PDE2A: variants seen among roughly 807,000 people sequenced by gnomAD.
PDE2A encodes phosphodiesterase 2A, also known as cGMP-dependent 3',5'-cyclic phosphodiesterase.
A neutral mutation model predicts 133.6 loss-of-function variants in PDE2A; 53 were observed. The ratio of observed to expected loss-of-function variants is 0.40; its 90% CI spans 0.32 to 0.50. The LOEUF is 0.50. Among genes scored for constraint, PDE2A ranks in the 20% least tolerant of loss-of-function variants. The pLI is 0.73. For synonymous variants in PDE2A, 491 were observed against 490.2 expected (o/e 1.00, Z -0.02); for missense variants, 796 against 1,232.4 (o/e 0.65, Z 5.30).
At position 72,582,450 on chromosome 11, in the gene PDE2A, C is replaced by T. The variant is rs116604680; in HGVS notation, c.1845G>A (p.Thr615=). 3.3e-5 allele frequency: 54 copies of T among 1,613,848 alleles called. 1 individual carries two copies. In the African/African-American group the frequency reaches 3.9e-4, roughly 12 times the overall value. Residue 615 remains threonine, a synonymous_variant, in exon 21 of 31, where the codon ACG becomes ACA. Coordinates refer to ENST00000334456, the MANE Select transcript of PDE2A (RefSeq NM_002599.5). ...GTGGAGGAGAGCAACTCACCATGGA[C>T]GTGTCATCCTCGGGCAGGGAACGAG... ...YTPRSLPEDD[T]SMAILSMLQD...
At chr11:72,600,156 C>T (rs1856676138) in intron 4 of PDE2A, among the ~76,000 whole-genome samples, 1 of 152,174 alleles carries the variant, frequency 6.6e-6, no homozygotes, top group Admixed American at 6.5e-5. Flanking sequence ...GGGCTTGAGC[C>T]TGAGGGCAGG....
chr11:72,644,415 C>T (rs961071229), intron 1 of PDE2A, among the ~76,000 whole-genome samples: 1 of 152,122 alleles, frequency 6.6e-6, no homozygotes, highest in African/African-American at 2.4e-5. Flanking sequence ...TTTTCTCTTC[C>T]GTAAAAGGGG....
In PDE2A at chr11:72,625,007, A is replaced by G. The variant is rs115820022; in HGVS notation, c.145-16256T>C. Reference sequence around the variant, plus strand: ...CCTCGTCCCCACCCCAACTGGGCACAGTCGCCAGGGCTGTTGCCCCATGTC... The same window carrying G: ...CCTCGTCCCCACCCCAACTGGGCACGGTCGCCAGGGCTGTTGCCCCATGTC... On this transcript the variant is annotated intron_variant, in intron 2 of 30. Coordinates refer to ENST00000334456, the MANE Select transcript of PDE2A (RefSeq NM_002599.5). Among the ~76,000 whole-genome samples the G allele has an allele frequency of 5.3e-3, 806 of 152,336 alleles. 7 individuals are homozygous for G. Among genetic ancestry groups the G allele is most frequent in the African/African-American group, 0.019 (778 of 41,562 alleles).
intron 3 of PDE2A, among the ~76,000 whole-genome samples, chr11:72,605,440 C>A (rs341087): frequency 0.45 from 69,056 of 152,070 alleles, 18,385 homozygotes; most frequent in African/African-American, 0.73. Flanking sequence ...TCCTCTTGGA[C>A]GGAATTCTAA....
In PDE2A at chr11:72,581,940, A is replaced by T; in HGVS notation, c.1859T>A (p.Leu620Gln). The T allele has an allele frequency of 6.2e-7, 1 of 1,613,862 alleles. No homozygotes were observed. Among genetic ancestry groups the T allele is most frequent in the South Asian group, 1.1e-5 (1 of 91,070 alleles). Residue 620 changes from leucine to glutamine, a missense_variant, in exon 22 of 31, where the codon CTG becomes CAG. Around this residue, in one of 7 missense-constraint regions of PDE2A, gnomAD observed 218 missense variants for 465.9 expected, o/e 0.47. Transcript: ENST00000334456. ...LPEDDTSMAI[L>Q]SMLQDMNFIN... ...GAAATTCATGTCCTGCAGCATGCTC[A>T]GGATGGCCTGGAGAGGGCAGAGGGA... is the stretch of plus-strand genomic sequence containing the variant.
intron 2 of PDE2A, among the ~76,000 whole-genome samples, chr11:72,618,702 C>T (rs1362297259): frequency 6.6e-6 from 1 of 152,210 alleles, no homozygotes; most frequent in South Asian, 2.1e-4. Context: ...CATCTCCTTC[C>T]CACCTCCATT....
intron 2 of PDE2A, among the ~76,000 whole-genome samples, chr11:72,624,380 G>A (rs1857939980): frequency 1.3e-5 from 2 of 152,146 alleles, no homozygotes; most frequent in South Asian, 2.1e-4. Flanking sequence ...CACTGTATGT[G>A]CACATTGCAT....
chr11:72,576,571 G>T lies in PDE2A; in HGVS notation c.*813C>A, dbSNP rs1056864. 1,403 of 169,572 alleles carry T rather than the reference G, an allele frequency of 8.3e-3. 18 individuals carry two copies. The highest frequency in any genetic ancestry group is 0.031 in the African/African-American group (1,311 of 41,644). 10.5% of individuals were successfully genotyped at this position (169,572 alleles called of 1,614,324 possible). A position where few individuals can be genotyped will look rare whatever the true frequency, so the allele number is the denominator to read the frequency against. The stretch of plus-strand genomic sequence containing the variant: ...AGCCTCTGCTGGGACTCCGCAGAGC[G>T]ATAGAGCTATTTTAGACATTGATCT... On this transcript the variant is annotated 3_prime_UTR_variant, in exon 31 of 31. Transcript: ENST00000334456.
Position 72,579,391 on chromosome 11 carries a change from G to A in PDE2A, c.2257-8C>T, listed in dbSNP as rs774584279. 35 of 1,610,742 alleles carry A rather than the reference G, an allele frequency of 2.2e-5. No homozygotes were observed. The East Asian group carries it at 3.1e-4, about 14-fold the overall frequency. On this transcript the variant is annotated splice_polypyrimidine_tract_variant and splice_region_variant and intron_variant, in intron 26 of 30. Coordinates refer to ENST00000334456, the MANE Select transcript of PDE2A (RefSeq NM_002599.5). ...CAGCATGCGCTGATAGTCCTGAGGC[G>A]AGGGCAGGGGTGTCATGCCCTCCTA... is the stretch of plus-strand genomic sequence containing the variant.
rs369324673 is a variant in PDE2A, at chr11:72,588,953, G to A, written c.940-39C>T. ...GCAAGTCAGGGCAGGGAAGCAGGGC[G>A]CAGTATGCTTCCCTCCTCCAGCCCT... is the stretch of plus-strand genomic sequence containing the variant. On this transcript the variant is annotated intron_variant, in intron 12 of 30. Transcript: ENST00000334456. 3.7e-5 allele frequency: 58 copies of A among 1,576,752 alleles called. No homozygotes were observed. In the African/African-American group the frequency reaches 4.6e-4, roughly 12 times the overall value.
chr11:72,596,220 G>A (rs1856470996), intron 6 of PDE2A, among the ~76,000 whole-genome samples: 1 of 152,144 alleles, frequency 6.6e-6, no homozygotes, highest in African/African-American at 2.4e-5. Flanking sequence ...CCCATCTGGA[G>A]GATCCCAAAG....
intron 1 of PDE2A, among the ~76,000 whole-genome samples, chr11:72,653,331 GA>G (rs1385069078): frequency 2.0e-5 from 3 of 152,228 alleles, no homozygotes; most frequent in African/African-American, 7.2e-5. Flanking sequence ...AGGGAGTTCA[GA>G]GACAGTGAAA....
intron 1 of PDE2A, among the ~76,000 whole-genome samples, chr11:72,644,690 C>T (rs1398996923): frequency 1.3e-5 from 2 of 152,246 alleles, no homozygotes; most frequent in African/African-American, 4.8e-5. Flanking sequence ...CCAGGCACCA[C>T]CTCCATGGCA....
At chr11:72,665,325 G>C (rs1015226449) in intron 1 of PDE2A, among the ~76,000 whole-genome samples, 1 of 151,988 alleles carries the variant, frequency 6.6e-6, no homozygotes, top group Non-Finnish European at 1.5e-5. Context: ...TCCTTCCTGC[G>C]GGTGCTGAAC....
intron 27 of PDE2A, 25 bp downstream of exon 27, chr11:72,579,259 A>G: frequency 1.3e-6 from 2 of 1,539,530 alleles, no homozygotes; most frequent in Non-Finnish European, 1.8e-6. Flanking sequence ...CCCCAGCCCC[A>G]AGGACTGGGG....
intron 2 of PDE2A, among the ~76,000 whole-genome samples, chr11:72,616,175 G>A (rs1358114542): frequency 6.6e-6 from 1 of 152,226 alleles, no homozygotes; most frequent in Non-Finnish European, 1.5e-5. Context: ...GGAAATGATG[G>A]CCAAAGGAAT....
At chr11:72,658,272 C>T (rs1854954517) in intron 1 of PDE2A, 8 of 378,660 alleles carry the variant, frequency 2.1e-5, no homozygotes, top group South Asian at 1.6e-4. Flanking sequence ...CCTCCCACCC[C>T]AGGTTATGGA....
chr11:72,639,948 C>T (rs904838840), intron 2 of PDE2A, among the ~76,000 whole-genome samples: 3 of 152,058 alleles, frequency 2.0e-5, no homozygotes, highest in Non-Finnish European at 2.9e-5. Flanking sequence ...CCAAATGTTA[C>T]AGACCTCATT....
At chr11:72,632,842 G>A (rs1459839725) in intron 2 of PDE2A, among the ~76,000 whole-genome samples, 2 of 151,680 alleles carry the variant, frequency 1.3e-5, no homozygotes, top group Non-Finnish European at 2.9e-5. Flanking sequence ...CGGAGGTGGA[G>A]GCAGGGTGCT....
Sources: gnomAD v4.1 joint callset for allele counts (sites outside exome capture counted in the v4.1 genomes callset) on GRCh38, gnomAD v4.1.1 for gene constraint, gnomAD v4.1.1 regional missense constraint, MANE v1.5 for transcripts, NCBI Gene and HGNC (gene_info 2026-07-23, HGNC 2026-07-21) for gene names.